ADCY2: variants seen among roughly 807,000 people sequenced by gnomAD.
ADCY2 encodes adenylate cyclase type 2.
ADCY2 carries 31 observed loss-of-function variants against 125.2 expected under a neutral mutation model. The observed-to-expected ratio is 0.25, with a 90% confidence interval of 0.19 to 0.33. The LOEUF (loss-of-function observed/expected upper bound fraction) is 0.33. Ranked by LOEUF, ADCY2 falls within the 10% of genes least tolerant of loss-of-function variation. The pLI is 1.00. For missense variants in ADCY2, 904 were observed against 1,418.2 expected, an observed-to-expected ratio of 0.64 and a Z score of 5.82; for synonymous variants, 512 against 548.4, an observed-to-expected ratio of 0.93 and a Z score of 0.93.
intron 4 of ADCY2, among the ~76,000 whole-genome samples, chr5:7,674,284 G>A (rs780987903): frequency 5.3e-5 from 8 of 152,250 alleles, no homozygotes; most frequent in African/African-American, 9.6e-5. Flanking sequence ...GGAGGCTGGC[G>A]ATTCAGTGGT....
At chr5:7,706,016 GTAATTCT>G in intron 7 of ADCY2, among the ~76,000 whole-genome samples, 1 of 152,246 alleles carries the variant, frequency 6.6e-6, no homozygotes. Context: ...GCCTCTTGGG[GTAATTCT>G]TTCGATGTAA....
intron 2 of ADCY2, among the ~76,000 whole-genome samples, chr5:7,483,620 G>A (rs1445888605): frequency 2.6e-5 from 4 of 152,170 alleles, no homozygotes. Flanking sequence ...TTGGAGCCCA[G>A]GGAGATGACA....
chr5:7,657,868 C>G (rs545208758), intron 4 of ADCY2, among the ~76,000 whole-genome samples: 9 of 152,238 alleles, frequency 5.9e-5, no homozygotes, highest in Non-Finnish European at 1.0e-4. Flanking sequence ...TTAGTTCTCC[C>G]GAAAAGCCAT....
At chr5:7,549,909 T>C (rs997203364) in intron 3 of ADCY2, among the ~76,000 whole-genome samples, 2 of 152,126 alleles carry the variant, frequency 1.3e-5, no homozygotes, top group Non-Finnish European at 2.9e-5. Context: ...GATAAGTCTA[T>C]TTCCAGTACT....
At chr5:7,773,766 G>A (rs1231215946) in intron 18 of ADCY2, among the ~76,000 whole-genome samples, 2 of 152,144 alleles carry the variant, frequency 1.3e-5, no homozygotes, top group Non-Finnish European at 2.9e-5. Flanking sequence ...TCAACCATAA[G>A]CCTAGATGCA....
chr5:7,721,147 G>T (rs1741744529), intron 12 of ADCY2, among the ~76,000 whole-genome samples: 1 of 152,186 alleles, frequency 6.6e-6, no homozygotes, highest in African/African-American at 2.4e-5. Flanking sequence ...CTGATGGCCA[G>T]TGATGATGAG....
At chr5:7,459,706 CAT>C (rs1030213763) in intron 2 of ADCY2, among the ~76,000 whole-genome samples, 19 of 141,680 alleles carry the variant, frequency 1.3e-4, no homozygotes, top group Non-Finnish European at 2.3e-4. Flanking sequence ...AGACATGACA[CAT>C]AACATTAGCA....
intron 2 of ADCY2, among the ~76,000 whole-genome samples, chr5:7,496,049 C>T (rs1435189308): frequency 6.6e-6 from 1 of 152,100 alleles, no homozygotes; most frequent in Non-Finnish European, 1.5e-5. Context: ...GTGTGAATGG[C>T]CTGTTTAAAA....
chr5:7,508,261 A>C (rs1743918430), intron 2 of ADCY2, among the ~76,000 whole-genome samples: 1 of 152,188 alleles, frequency 6.6e-6, no homozygotes, highest in Non-Finnish European at 1.5e-5. Flanking sequence ...ACTTCTGACC[A>C]AAGTTTTATT....
At chr5:7,505,478 C>T (rs1743774917) in intron 2 of ADCY2, among the ~76,000 whole-genome samples, 1 of 152,324 alleles carries the variant, frequency 6.6e-6, no homozygotes, top group Non-Finnish European at 1.5e-5. Context: ...CACGAACATA[C>T]AGGGGAGAGC....
chr5:7,706,454 G>A (rs949350101), intron 7 of ADCY2, among the ~76,000 whole-genome samples: 1 of 152,204 alleles, frequency 6.6e-6, no homozygotes, highest in Non-Finnish European at 1.5e-5. Context: ...GCACATGGTA[G>A]CTGCTTGATA....
intron 1 of ADCY2, among the ~76,000 whole-genome samples, chr5:7,407,587 G>A (rs1208518843): frequency 1.3e-5 from 2 of 152,142 alleles, no homozygotes; most frequent in Admixed American, 6.5e-5. Flanking sequence ...AAAGGGTGGC[G>A]AAAGGTGGTG....
At chr5:7,743,605 G>A (rs1002243830) in intron 14 of ADCY2, 63 bp from the exon 15 acceptor site, 1 of 1,475,002 alleles carries the variant, frequency 6.8e-7, no homozygotes, top group African/African-American at 1.4e-5. Context: ...AGTATTACTG[G>A]TAGCTTTCCA....
intron 4 of ADCY2, among the ~76,000 whole-genome samples, chr5:7,686,220 C>A (rs1740514790): frequency 6.6e-6 from 1 of 152,030 alleles, no homozygotes; most frequent in Admixed American, 6.6e-5. Context: ...GATTTTCCTA[C>A]CAATTGAAAT....
intron 4 of ADCY2, among the ~76,000 whole-genome samples, chr5:7,667,317 A>G (rs1164304856): frequency 6.6e-6 from 1 of 152,144 alleles, no homozygotes; most frequent in Non-Finnish European, 1.5e-5. Context: ...CAATATGTAG[A>G]TGTTTTGCAA....
chr5:7,541,969 G>A (rs1001443025), intron 3 of ADCY2, among the ~76,000 whole-genome samples: 42 of 152,170 alleles, frequency 2.8e-4, no homozygotes. Context: ...TCATTAGTTA[G>A]CATTGAGCTG....
chr5:7,512,112 T>G (rs1744083596), intron 2 of ADCY2, among the ~76,000 whole-genome samples: 1 of 148,880 alleles, frequency 6.7e-6, no homozygotes, highest in Non-Finnish European at 1.5e-5. Flanking sequence ...TTCTAGCTAT[T>G]TGGGAAGCTG....
intron 18 of ADCY2, among the ~76,000 whole-genome samples, chr5:7,775,175 T>TTGTGTGTGTGTGTGTGTG (rs200142910): frequency 1.1e-4 from 16 of 146,154 alleles, no homozygotes; most frequent in African/African-American, 3.8e-4. Flanking sequence ...CCCAGCTACT[T>TTGTGTGTGTGTGTGTGTG]TGTGTGTGTG....
At chr5:7,528,669 T>A (rs751464207) in intron 3 of ADCY2, among the ~76,000 whole-genome samples, 21 of 152,364 alleles carry the variant, frequency 1.4e-4, no homozygotes, top group Non-Finnish European at 2.2e-4. Flanking sequence ...TGGGTTTATG[T>A]CGAATATGAT....
Sources: gnomAD v4.1 joint callset for allele counts (sites outside exome capture counted in the v4.1 genomes callset) on GRCh38, gnomAD v4.1.1 for gene constraint, MANE v1.5 for transcripts, NCBI Gene and HGNC (gene_info 2026-07-23, HGNC 2026-07-21) for gene names.